Variants in SMAD3 observed in about 807,000 individuals in gnomAD.
SMAD3 encodes the protein SMAD family member 3.
Under a neutral mutation model 51.8 loss-of-function variants are expected in SMAD3, and 12 were observed. The ratio of observed to expected loss-of-function variants is 0.23; its 90% CI spans 0.15 to 0.38. The LOEUF is 0.38. SMAD3 is among the 10% of genes least tolerant of loss of function. The pLI is 1.00. For missense variants in SMAD3, 294 were observed against 565.6 expected (o/e 0.52, Z 4.87); for synonymous variants, 238 against 227.7 (o/e 1.05, Z -0.41).
intron 1 of SMAD3, among the ~76,000 whole-genome samples, chr15:67,086,519 G>C (rs920903113): frequency 2.0e-5 from 3 of 152,276 alleles, no homozygotes; most frequent in African/African-American, 7.2e-5. Context: ...GGTGTGAAAT[G>C]CGCCCTAGGA....
At chr15:67,088,240 A>G (rs1470892161) in intron 1 of SMAD3, among the ~76,000 whole-genome samples, 1 of 152,068 alleles carries the variant, frequency 6.6e-6, no homozygotes, top group Admixed American at 6.5e-5. Flanking sequence ...ATGGGTGCAC[A>G]GTAGGGTTAC....
rs549138056 is a variant in SMAD3 at position 67,173,902 on chromosome 15, C to T, written c.658+3298C>T. On this transcript the variant is annotated intron_variant, in intron 5 of 8. Coordinates refer to ENST00000327367, the MANE Select transcript of SMAD3 (RefSeq NM_005902.4). ...AGCGTTAAGTGGGATGATGGTGATG[C>T]CCCCATCGAGGCTGGACACCCAGGA... 1.4e-4 allele frequency among the ~76,000 whole-genome samples: 22 copies of T among 152,256 alleles called. No homozygotes were observed. In the East Asian group the frequency reaches 3.9e-3, roughly 27 times the overall value.
intron 1 of SMAD3, chr15:67,098,797 A>G (rs554180160): frequency 1.3e-5 from 9 of 683,310 alleles, no homozygotes; most frequent in Non-Finnish European, 1.9e-5. Context: ...GGAGGGTCCT[A>G]CGCATCCCCA....
chr15:67,184,606 G>A, intron 6 of SMAD3, 121 bp from the exon 7 acceptor site: 1 of 1,258,768 alleles, frequency 7.9e-7, no homozygotes, highest in Non-Finnish European at 1.1e-6. Flanking sequence ...GTTTGCCTGG[G>A]GAAGCTGGCA....
intron 1 of SMAD3, chr15:67,099,045 T>A (rs1315687271): frequency 1.8e-6 from 1 of 566,890 alleles, no homozygotes; most frequent in Non-Finnish European, 3.1e-6. Flanking sequence ...ATGATAATTC[T>A]CCTTTCTGTG....
intron 1 of SMAD3, among the ~76,000 whole-genome samples, chr15:67,103,047 C>T (rs114455922): frequency 0.01 from 1,570 of 152,204 alleles, 28 homozygotes; most frequent in African/African-American, 0.036. Flanking sequence ...GTATGTAGTA[C>T]GTGCTCAGTA....
At chr15:67,158,036 G>A (rs1005664640) in intron 1 of SMAD3, among the ~76,000 whole-genome samples, 1 of 152,192 alleles carries the variant, frequency 6.6e-6, no homozygotes, top group Non-Finnish European at 1.5e-5. Flanking sequence ...GCAGGTTCCT[G>A]AGACTGTACT....
intron 1 of SMAD3, among the ~76,000 whole-genome samples, chr15:67,127,759 G>C (rs1173516610): frequency 2.0e-5 from 3 of 152,068 alleles, no homozygotes; most frequent in Non-Finnish European, 4.4e-5. Flanking sequence ...ACACGCTTAT[G>C]GTCAGTCTAT....
Position 67,138,094 on chromosome 15 carries a change from TG to T in SMAD3, c.207-26797del, listed in dbSNP as rs1291138310. Reference sequence around the variant, plus strand: ...CTGGTACACCGGAAAGCATGGTGGATGGGGAGGTAGGAGCCCCGTGCCGGGA... The same window carrying T: ...CTGGTACACCGGAAAGCATGGTGGATGGGAGGTAGGAGCCCCGTGCCGGGA... On this transcript the variant is annotated intron_variant, in intron 1 of 8. Transcript: ENST00000327367. 2.2e-5 allele frequency: 34 copies of T among 1,551,286 alleles called. No individual in the cohort carries two copies. The highest frequency in any genetic ancestry group is 1.7e-4 in the Middle Eastern group (1 of 6,012).
chr15:67,187,143 CACCTCCCAGTGAGG>C, intron 7 of SMAD3: 1 of 681,570 alleles, frequency 1.5e-6, no homozygotes, highest in Non-Finnish European at 2.7e-6. Context: ...ATGTCAGTGG[CACCTCCCAGTGAGG>C]AGATGGGTTC....
chr15:67,098,641 G>A (rs1402164089), intron 1 of SMAD3: 3 of 536,450 alleles, frequency 5.6e-6, no homozygotes, highest in African/African-American at 1.9e-5. Context: ...TCGAGGGTGG[G>A]GCCGCGTTTT....
chr15:67,104,018 C>G (rs577493290), intron 1 of SMAD3, among the ~76,000 whole-genome samples: 2 of 152,240 alleles, frequency 1.3e-5, no homozygotes, highest in South Asian at 4.2e-4. Context: ...GAAAGGGGTG[C>G]GTAGCCGAGA....
Position 67,165,266 on chromosome 15 carries a change from G to A in SMAD3, c.414G>A (p.Val138=), listed in dbSNP as rs771802144. The change falls in exon 3 of 9, where the codon GTG becomes GTA. Residue 138 remains valine (V), a synonymous_variant. Transcript: ENST00000327367. ...QRVETPVLPP[V]LVPRHTEIPA... ...TCCCCCGGACAGTTCTACCTCCTGT[G>A]TTGGTGCCACGCCACACAGAGATCC... is the stretch of plus-strand genomic sequence containing the variant. 1.9e-5 allele frequency: 31 copies of A among 1,614,094 alleles called. No individual in the cohort carries two copies. The highest frequency in any genetic ancestry group is 2.5e-5 in the Non-Finnish European group (29 of 1,180,046).
intron 1 of SMAD3, among the ~76,000 whole-genome samples, chr15:67,158,635 G>A (rs1258922617): frequency 6.6e-6 from 1 of 152,232 alleles, no homozygotes; most frequent in South Asian, 2.1e-4. Flanking sequence ...CCTGCGACAT[G>A]CACTTTGCCT....
chr15:67,148,425 TA>T (rs746246591), intron 1 of SMAD3, among the ~76,000 whole-genome samples: 8,253 of 152,310 alleles, frequency 0.054, 300 homozygotes, highest in Admixed American at 0.093. Flanking sequence ...AGTTAACAAA[TA>T]TTTGTTGAGC....
chr15:67,152,440 T>C (rs1261824821), intron 1 of SMAD3, among the ~76,000 whole-genome samples: 1 of 152,206 alleles, frequency 6.6e-6, no homozygotes, highest in East Asian at 1.9e-4. Flanking sequence ...AATGAGAAGA[T>C]GGGTCTAAAC....
chr15:67,175,048 A>G (rs756921098), intron 5 of SMAD3, among the ~76,000 whole-genome samples: 2 of 152,216 alleles, frequency 1.3e-5, no homozygotes, highest in Non-Finnish European at 2.9e-5. Flanking sequence ...CTGTTATTAC[A>G]CAGCGTGCTG....
chr15:67,086,441 A>G lies in SMAD3; in HGVS notation c.206+20081A>G, dbSNP rs1960395892. Reference sequence around the variant, plus strand: ...TTAAAATATTAACAGAAAAGGTCAAACTGGGAAGGGGCAGCTAAGTTGGAA... The same window carrying G: ...TTAAAATATTAACAGAAAAGGTCAAGCTGGGAAGGGGCAGCTAAGTTGGAA... On this transcript the variant is annotated intron_variant, in intron 1 of 8. Coordinates refer to ENST00000327367, the MANE Select transcript of SMAD3 (RefSeq NM_005902.4). Among the ~76,000 whole-genome samples, 4 of 152,124 alleles carry G rather than the reference A, an allele frequency of 2.6e-5. No individual in the cohort carries two copies. The South Asian group carries it at 8.3e-4, about 31-fold the overall frequency.
chr15:67,175,435 G>T (rs1891671095), intron 5 of SMAD3, among the ~76,000 whole-genome samples: 1 of 152,164 alleles, frequency 6.6e-6, no homozygotes, highest in Non-Finnish European at 1.5e-5. Flanking sequence ...CCTCTAGATT[G>T]TGTAGACTAG....
Sources: gnomAD v4.1 joint callset for allele counts (sites outside exome capture counted in the v4.1 genomes callset) on GRCh38, gnomAD v4.1.1 for gene constraint, MANE v1.5 for transcripts, NCBI Gene and HGNC (gene_info 2026-07-23, HGNC 2026-07-21) for gene names.